The following NDUFAF7 variants were observed in gnomAD, a reference collection of about 807,000 sequenced individuals.
The protein encoded by NDUFAF7 is protein arginine methyltransferase NDUFAF7, mitochondrial.
NDUFAF7 carries 48 observed loss-of-function variants against 47.2 expected under a neutral mutation model. The observed-to-expected ratio is 1.02, with a 90% CI of 0.81 to 1.29. NDUFAF7 has a LOEUF of 1.29. Ranked by LOEUF, NDUFAF7 falls within the 50% of genes most tolerant of loss-of-function variation. The pLI, the probability that NDUFAF7 is intolerant of heterozygous loss-of-function variation, is 0.00. For synonymous variants in NDUFAF7, 217 were observed against 190.0 expected, an observed-to-expected ratio of 1.14 and a Z score of -1.17; for missense variants, 635 against 537.6, an observed-to-expected ratio of 1.18 and a Z score of -1.79.
intron 8 of NDUFAF7, among the ~76,000 whole-genome samples, chr2:37,246,799 C>T (rs1463233924): frequency 1.3e-5 from 2 of 152,090 alleles, no homozygotes; most frequent in Admixed American, 1.3e-4. Flanking sequence ...GTTGAAAATA[C>T]TCATTCTCTA....
the NDUFAF7 span, chr2:37,269,524 A>G: frequency 8.6e-7 from 1 of 1,159,106 alleles, no homozygotes; most frequent in African/African-American, 1.5e-5. Flanking sequence ...ACTGGACAAA[A>G]CTATGAGATG....
intron 2 of NDUFAF7, 94 bp from the exon 3 acceptor site, chr2:37,236,002 T>C: frequency 9.2e-7 from 1 of 1,089,292 alleles, no homozygotes. Context: ...TAAATAATTA[T>C]TTCACTTTTA....
At chr2:37,269,734 A>T in the NDUFAF7 span, 6 of 1,288,860 alleles carry the variant, frequency 4.7e-6, no homozygotes, top group Middle Eastern at 1.9e-4. Context: ...TCTATAATAC[A>T]ATGTCAACAT....
intron 9 of NDUFAF7, 122 bp from the exon 10 acceptor site, chr2:37,248,013 G>T (rs1667107948): frequency 1.2e-6 from 1 of 808,282 alleles, no homozygotes. Flanking sequence ...TCTCAGGCAG[G>T]TAATCAGAAG....
chr2:37,246,518 T>A (rs1439637920), intron 8 of NDUFAF7, among the ~76,000 whole-genome samples: 1 of 152,208 alleles, frequency 6.6e-6, no homozygotes, highest in Admixed American at 6.5e-5. Flanking sequence ...TGTAACCCCC[T>A]TCATTCAAGA....
downstream of NDUFAF7, among the ~76,000 whole-genome samples, chr2:37,255,961 C>G (rs1277427357): frequency 6.6e-6 from 1 of 152,164 alleles, no homozygotes; most frequent in African/African-American, 2.4e-5. Context: ...CTGCAGTGAG[C>G]TGTGTTTGTG....
chr2:37,245,221 ACT>A (rs1294940160), intron 7 of NDUFAF7, among the ~76,000 whole-genome samples: 2 of 152,092 alleles, frequency 1.3e-5, no homozygotes, highest in Non-Finnish European at 2.9e-5. Context: ...ACTTCATCTG[ACT>A]CTATGCCTGT....
chr2:37,237,732 GTGTT>G lies in NDUFAF7; in HGVS notation c.298-23_298-20del, dbSNP rs1340161335. On this transcript the variant is annotated intron_variant, in intron 3 of 9. Transcript: ENST00000002125. Reference sequence around the variant, plus strand: ...TTTATACTTTATAATACTTTAATATGTGTTTTTTTTTTCCCTTTTCACAGCTACT... The same window carrying G: ...TTTATACTTTATAATACTTTAATATGTTTTTTTTCCCTTTTCACAGCTACT... 1 of 1,444,284 alleles carries G rather than the reference GTGTT, an allele frequency of 6.9e-7. No homozygotes were observed. The highest frequency in any genetic ancestry group is 1.4e-5 in the African/African-American group (1 of 71,206). The allele number at this position is 1,444,284 out of a possible 1,614,324, so 89.5% of individuals were successfully genotyped here. A position where few individuals can be genotyped will look rare whatever the true frequency, so the allele number is the denominator to read the frequency against.
the NDUFAF7 span, among the ~76,000 whole-genome samples, chr2:37,258,465 G>A: frequency 1.6e-4 from 25 of 152,322 alleles, no homozygotes; most frequent in East Asian, 2.7e-3. Context: ...GCTAACACTT[G>A]AGCATAAAAA....
chr2:37,267,730 CT>C, the NDUFAF7 span: 2 of 505,652 alleles, frequency 4.0e-6, no homozygotes, highest in African/African-American at 4.0e-5. Flanking sequence ...ATATTTGCCC[CT>C]AATAAAGTCA....
chr2:37,236,334 G>T (rs1665750172), intron 3 of NDUFAF7, among the ~76,000 whole-genome samples, 158 bp downstream of exon 3: 1 of 152,142 alleles, frequency 6.6e-6, no homozygotes, highest in Non-Finnish European at 1.5e-5. Flanking sequence ...AGAGGCAGTA[G>T]AGGGGAGTAA....
At chr2:37,248,056 T>C in intron 9 of NDUFAF7, 79 bp from the exon 10 acceptor site, 1 of 1,131,442 alleles carries the variant, frequency 8.8e-7, no homozygotes, top group Non-Finnish European at 1.3e-6. Flanking sequence ...TTGGAATATT[T>C]GAGAGTCATT....
chr2:37,244,547 T>C (rs1666711613), intron 7 of NDUFAF7, among the ~76,000 whole-genome samples: 1 of 149,988 alleles, frequency 6.7e-6, no homozygotes, highest in South Asian at 2.1e-4. Context: ...CAAGAGCCTG[T>C]CTATTGTGGC....
At chr2:37,247,200 T>C in intron 8 of NDUFAF7, 1 of 510,976 alleles carries the variant, frequency 2.0e-6, no homozygotes, top group Non-Finnish European at 3.6e-6. Flanking sequence ...TATGTCTACG[T>C]TGCTGAAAAG....
chr2:37,252,779 C>CTATATTATACTATATTA (rs923851753), downstream of NDUFAF7: 3 of 149,972 alleles, frequency 2.0e-5, no homozygotes, highest in African/African-American at 7.4e-5. Context: ...TTTAGCCAAG[C>CTATATTATACTATATTA]TATATAGTAA....
intron 2 of NDUFAF7, 71 bp downstream of exon 2, chr2:37,232,337 G>T: frequency 6.3e-7 from 1 of 1,588,634 alleles, no homozygotes; most frequent in East Asian, 2.2e-5. Flanking sequence ...GGAGGGAGAA[G>T]CCCGAAGGTT....
chr2:37,271,175 C>G, the NDUFAF7 span, among the ~76,000 whole-genome samples: 3 of 152,158 alleles, frequency 2.0e-5, no homozygotes, highest in African/African-American at 7.2e-5. Context: ...AGATTTTAAT[C>G]TGAGAAATTA....
chr2:37,256,263 TCA>T (rs1381309644), downstream of NDUFAF7, among the ~76,000 whole-genome samples: 1 of 152,094 alleles, frequency 6.6e-6, no homozygotes, highest in Non-Finnish European at 1.5e-5. Context: ...ATGGACCATA[TCA>T]CAGATAACTA....
chr2:37,237,961 C>G (rs775341529), intron 4 of NDUFAF7, 94 bp downstream of exon 4: 8 of 855,284 alleles, frequency 9.4e-6, no homozygotes, highest in Non-Finnish European at 1.6e-5. Flanking sequence ...TTTTCAGTTC[C>G]TTAATTTCAT....
Sources: allele counts gnomAD v4.1 joint callset (sites outside exome capture counted in the v4.1 genomes callset), GRCh38; gene constraint gnomAD v4.1.1; transcripts MANE v1.5; gene names NCBI Gene and HGNC (gene_info 2026-07-23, HGNC 2026-07-21).